The following CPNE4 variants were observed in gnomAD, a reference collection of about 807,000 sequenced individuals.
CPNE4 encodes the protein copine-4.
In CPNE4, 25 loss-of-function variants were observed where a neutral mutation model predicts 67.9. The observed-to-expected ratio is 0.37, with a 90% CI of 0.27 to 0.51. CPNE4 has a LOEUF of 0.51. CPNE4 is among the 20% of genes least tolerant of loss of function. The pLI, the probability that CPNE4 is intolerant of heterozygous loss-of-function variation, is 0.93. For missense variants in CPNE4, 464 were observed against 690.8 expected, an observed-to-expected ratio of 0.67 and a Z score of 3.68; for synonymous variants, 242 against 244.9, an observed-to-expected ratio of 0.99 and a Z score of 0.11.
rs34812991 is a variant in CPNE4, at chr3:131,685,180, GTCA to G, written c.591+692_591+694del. On this transcript the variant is annotated intron_variant, in intron 6 of 15. Transcript: ENST00000429747. Reference sequence around the variant, plus strand: ...CAGTTTCTTCAACTGTAAAATGGGGGTCATCATCATCATCATCATGTGTGAGGA... The same window carrying G: ...CAGTTTCTTCAACTGTAAAATGGGGGTCATCATCATCATCATGTGTGAGGA... Among the ~76,000 whole-genome samples the G allele has an allele frequency of 9.9e-5, 15 of 151,300 alleles. No homozygotes were observed. In the South Asian group the frequency reaches 1.9e-3, roughly 19 times the overall value.
chr3:131,925,264 C>T (rs1276365079), intron 1 of CPNE4, among the ~76,000 whole-genome samples: 3 of 152,010 alleles, frequency 2.0e-5, no homozygotes, highest in African/African-American at 7.2e-5. Context: ...CAACATACCA[C>T]ATTTCAGCTC....
rs1266630115 is a variant in CPNE4 at position 132,034,739 on chromosome 3, C to G, written c.-174G>C. On this transcript the variant is annotated 5_prime_UTR_variant, in exon 1 of 16. Transcript: ENST00000429747. The stretch of plus-strand genomic sequence containing the variant: ...CTCTCGTCCTCCGAGGTCAGTTTAG[C>G]AACAGCGGCTGGGAAAGGTGCTGAG... 14 of 984,978 alleles carry G rather than the reference C, an allele frequency of 1.4e-5. No individual in the cohort carries two copies. Among genetic ancestry groups the G allele is most frequent in the Non-Finnish European group, 1.7e-5 (14 of 830,022 alleles). 61.0% of individuals were successfully genotyped at this position (984,978 alleles called of 1,614,324 possible).
intron 10 of CPNE4, among the ~76,000 whole-genome samples, chr3:131,574,541 T>A (rs939105243): frequency 2.0e-5 from 3 of 152,094 alleles, no homozygotes; most frequent in Admixed American, 2.0e-4. Flanking sequence ...CCACTCTACT[T>A]CTCAACCTTG....
intron 2 of CPNE4, among the ~76,000 whole-genome samples, chr3:131,878,517 T>A (rs1190371061): frequency 6.6e-6 from 1 of 152,214 alleles, no homozygotes; most frequent in Non-Finnish European, 1.5e-5. Flanking sequence ...GAAGCGCTGT[T>A]GATGTTCTGT....
chr3:131,808,595 T>C (rs778161812), intron 2 of CPNE4, among the ~76,000 whole-genome samples: 1 of 152,154 alleles, frequency 6.6e-6, no homozygotes, highest in Non-Finnish European at 1.5e-5. Flanking sequence ...CCTTATCCTA[T>C]ATCATTTGAA....
At chr3:131,976,394 C>G (rs913927067) in intron 1 of CPNE4, among the ~76,000 whole-genome samples, 2 of 152,130 alleles carry the variant, frequency 1.3e-5, no homozygotes, top group Non-Finnish European at 2.9e-5. Flanking sequence ...AAGCTCTTTT[C>G]CCTTTATAAG....
intron 2 of CPNE4, among the ~76,000 whole-genome samples, chr3:131,773,138 G>T (rs1340931059): frequency 2.0e-5 from 3 of 152,016 alleles, no homozygotes; most frequent in African/African-American, 7.2e-5. Flanking sequence ...TTGGAATCTC[G>T]TAGCCTGCCA....
chr3:132,036,609 G>A (rs1219482084), upstream of CPNE4, among the ~76,000 whole-genome samples: 1 of 152,166 alleles, frequency 6.6e-6, no homozygotes, highest in Non-Finnish European at 1.5e-5. Context: ...GAATTGGATT[G>A]AACTTGCAAA....
chr3:132,022,123 G>A (rs2074011482), intron 1 of CPNE4, among the ~76,000 whole-genome samples: 1 of 152,232 alleles, frequency 6.6e-6, no homozygotes, highest in Non-Finnish European at 1.5e-5. Flanking sequence ...GTCAAATACA[G>A]GGCAGACATG....
At chr3:131,700,951 G>A (rs1474504073) in intron 3 of CPNE4, among the ~76,000 whole-genome samples, 1 of 151,924 alleles carries the variant, frequency 6.6e-6, no homozygotes, top group African/African-American at 2.4e-5. Context: ...GTAGGGACAT[G>A]GATGAAGCTG....
rs529816050 is a variant in CPNE4, at chr3:131,995,693, C to T, written c.-2+38874G>A. On this transcript the variant is annotated intron_variant, in intron 1 of 15. Transcript: ENST00000429747. ...GTTGACATCATGGGAATCTTCCCAACCTCCTTCATGGACTACCTATTCCTG... is the reference window on the plus strand; with the variant it reads ...GTTGACATCATGGGAATCTTCCCAATCTCCTTCATGGACTACCTATTCCTG... 2.0e-5 allele frequency among the ~76,000 whole-genome samples: 3 copies of T among 152,316 alleles called. No individual in the cohort carries two copies. The South Asian group carries it at 6.2e-4, about 32-fold the overall frequency.
At chr3:132,005,303 T>C (rs895849684) in intron 1 of CPNE4, among the ~76,000 whole-genome samples, 8 of 125,594 alleles carry the variant, frequency 6.4e-5, no homozygotes, top group Non-Finnish European at 1.2e-4. Flanking sequence ...ACAATGAATG[T>C]GCCATTTTTA....
intron 1 of CPNE4, among the ~76,000 whole-genome samples, chr3:131,997,784 G>A (rs953776930): frequency 6.6e-6 from 1 of 152,080 alleles, no homozygotes; most frequent in Non-Finnish European, 1.5e-5. Flanking sequence ...CAACAAAGCG[G>A]CCAGATTTGG....
intron 7 of CPNE4, among the ~76,000 whole-genome samples, chr3:131,614,496 G>A (rs903455215): frequency 2.6e-5 from 4 of 152,094 alleles, no homozygotes; most frequent in African/African-American, 9.7e-5. Context: ...TCTTTAACTT[G>A]TGCCAGGAAA....
intron 2 of CPNE4, among the ~76,000 whole-genome samples, chr3:131,738,921 C>T (rs2082300483): frequency 6.8e-6 from 1 of 147,208 alleles, no homozygotes; most frequent in Non-Finnish European, 1.5e-5. Context: ...GTGGTGCAAT[C>T]TCAGGTCACT....
At position 131,936,309 on chromosome 3, in the gene CPNE4, G is replaced by A. The variant is rs982121880; in HGVS notation, c.-1-30865C>T. ...GAACTCAACACTGATGGATTTCCTC[G>A]TTTGTAAGTGAGGGTTTTACCTGAA... On this transcript the variant is annotated intron_variant, in intron 1 of 15. Coordinates refer to ENST00000429747, the MANE Select transcript of CPNE4 (RefSeq NM_130808.3). Among the ~76,000 whole-genome samples the A allele has an allele frequency of 1.6e-4, 25 of 151,932 alleles. 1 individual carries two copies. The highest frequency in any genetic ancestry group is 1.1e-3 in the Admixed American group (17 of 15,204).
intron 13 of CPNE4, 65 bp from the exon 14 acceptor site, chr3:131,550,145 C>T: frequency 1.3e-6 from 2 of 1,555,242 alleles, no homozygotes; most frequent in East Asian, 2.3e-5. Context: ...TAGCCAAACA[C>T]ACACAAAAGT....
chr3:132,009,271 T>C (rs1338661397), intron 1 of CPNE4, among the ~76,000 whole-genome samples: 1 of 152,176 alleles, frequency 6.6e-6, no homozygotes, highest in African/African-American at 2.4e-5. Context: ...AGCCTTGGTC[T>C]ATGTGGAGTC....
intron 2 of CPNE4, among the ~76,000 whole-genome samples, chr3:131,756,929 T>C (rs1185320337): frequency 6.6e-6 from 1 of 152,192 alleles, no homozygotes; most frequent in African/African-American, 2.4e-5. Flanking sequence ...ATTTCTGCTT[T>C]TGCTTCTTCC....
Sources: gnomAD v4.1 joint callset for allele counts (sites outside exome capture counted in the v4.1 genomes callset) on GRCh38, gnomAD v4.1.1 for gene constraint, MANE v1.5 for transcripts, NCBI Gene and HGNC (gene_info 2026-07-23, HGNC 2026-07-21) for gene names.